XPR1: variants seen among roughly 807,000 people sequenced by gnomAD.
XPR1 encodes solute carrier family 53 member 1.
XPR1 carries 28 observed loss-of-function variants against 87.5 expected under a neutral mutation model. That is an observed-to-expected ratio of 0.32 (90% CI 0.24 to 0.44). The LOEUF is 0.44. Among genes scored for constraint, XPR1 ranks in the 20% least tolerant of loss-of-function variants. The pLI is 1.00. For missense variants in XPR1, 559 were observed against 862.3 expected (o/e 0.65, Z 4.41); for synonymous variants, 300 against 306.1 (o/e 0.98, Z 0.21).
At chr1:180,830,265 A>C (rs1204142997) in intron 9 of XPR1, among the ~76,000 whole-genome samples, 1 of 152,210 alleles carries the variant, frequency 6.6e-6, no homozygotes, top group African/African-American at 2.4e-5. Context: ...TTATGGTTGC[A>C]AATGGTATAG....
chr1:180,791,972 T>C (rs1350772065), intron 3 of XPR1, among the ~76,000 whole-genome samples: 3 of 152,230 alleles, frequency 2.0e-5, no homozygotes. Flanking sequence ...GAGGCACGTC[T>C]CTTGATGTCC....
chr1:180,864,996 C>A (rs4652534), intron 12 of XPR1, among the ~76,000 whole-genome samples: 151,415 of 152,138 alleles, frequency 1, 75,358 homozygotes, highest in Middle Eastern at 1. Context: ...CTAACATTTT[C>A]TACTCTATCA....
At chr1:180,711,831 G>A (rs968761029) in intron 2 of XPR1, among the ~76,000 whole-genome samples, 1 of 152,094 alleles carries the variant, frequency 6.6e-6, no homozygotes, top group African/African-American at 2.4e-5. Flanking sequence ...AAGCTCTGTA[G>A]TTTTAGGTTT....
At chr1:180,724,813 A>G (rs184661629) in intron 2 of XPR1, among the ~76,000 whole-genome samples, 1 of 152,240 alleles carries the variant, frequency 6.6e-6, no homozygotes, top group Admixed American at 6.5e-5. Flanking sequence ...ATATTTCCTC[A>G]GTTATCAATT....
intron 7 of XPR1, among the ~76,000 whole-genome samples, chr1:180,813,641 G>GAT (rs1393138019): frequency 6.6e-6 from 1 of 152,104 alleles, no homozygotes; most frequent in Admixed American, 6.5e-5. Flanking sequence ...GAAATTAAAT[G>GAT]ATATTTAGAA....
At chr1:180,688,651 T>C (rs953112700) in intron 2 of XPR1, among the ~76,000 whole-genome samples, 2 of 152,188 alleles carry the variant, frequency 1.3e-5, no homozygotes, top group African/African-American at 4.8e-5. Context: ...TGAGGCAAGA[T>C]AATTTTTTAC....
intron 2 of XPR1, among the ~76,000 whole-genome samples, chr1:180,768,787 C>T (rs925861798): frequency 6.6e-6 from 1 of 152,126 alleles, no homozygotes; most frequent in African/African-American, 2.4e-5. Flanking sequence ...TAACAGATAT[C>T]CTAAATGTAG....
At chr1:180,632,745 G>A (rs1654634110) in intron 1 of XPR1, among the ~76,000 whole-genome samples, 1 of 152,254 alleles carries the variant, frequency 6.6e-6, no homozygotes, top group Non-Finnish European at 1.5e-5. Flanking sequence ...TCCAAGAGAA[G>A]CCCCTCCAGT....
At chr1:180,642,483 C>A (rs1654991341) in intron 1 of XPR1, among the ~76,000 whole-genome samples, 1 of 151,824 alleles carries the variant, frequency 6.6e-6, no homozygotes, top group African/African-American at 2.4e-5. Context: ...TTGTTGAGTG[C>A]TCTAGTGTGC....
intron 4 of XPR1, among the ~76,000 whole-genome samples, chr1:180,805,153 C>A (rs1649945420): frequency 6.6e-6 from 1 of 152,140 alleles, no homozygotes; most frequent in Non-Finnish European, 1.5e-5. Flanking sequence ...ATCTCTAAGT[C>A]ATGATGTATG....
At chr1:180,761,348 A>G (rs1404387891) in intron 2 of XPR1, among the ~76,000 whole-genome samples, 1 of 152,246 alleles carries the variant, frequency 6.6e-6, no homozygotes, top group Non-Finnish European at 1.5e-5. Context: ...ACAAAGTGGG[A>G]GAAAATTTTC....
intron 2 of XPR1, among the ~76,000 whole-genome samples, chr1:180,781,465 A>T (rs1168983363): frequency 1.3e-5 from 2 of 151,936 alleles, no homozygotes; most frequent in African/African-American, 4.8e-5. Context: ...TTATGTATTT[A>T]ACCCAAAGAT....
At chr1:180,841,807 C>CAT (rs1263636790) in intron 11 of XPR1, among the ~76,000 whole-genome samples, 1 of 151,976 alleles carries the variant, frequency 6.6e-6, no homozygotes, top group Non-Finnish European at 1.5e-5. Flanking sequence ...AAAAAAAACT[C>CAT]ATAGTTGCTA....
At chr1:180,822,158 G>C (rs993575679) in intron 7 of XPR1, among the ~76,000 whole-genome samples, 2 of 152,184 alleles carry the variant, frequency 1.3e-5, no homozygotes, top group Non-Finnish European at 2.9e-5. Context: ...CTACAGGCTT[G>C]TACATCAGAG....
At chr1:180,664,803 A>G (rs1655903528) in intron 1 of XPR1, among the ~76,000 whole-genome samples, 2 of 152,216 alleles carry the variant, frequency 1.3e-5, no homozygotes, top group South Asian at 4.1e-4. Flanking sequence ...CAGTTTTTTC[A>G]TGGGGTGGAG....
chr1:180,736,567 A>G (rs1658737517), intron 2 of XPR1, among the ~76,000 whole-genome samples: 2 of 152,210 alleles, frequency 1.3e-5, no homozygotes, highest in Non-Finnish European at 2.9e-5. Context: ...TTGTTTCTCT[A>G]ATGTCACAAA....
chr1:180,741,248 C>G (rs1376699496), intron 2 of XPR1, among the ~76,000 whole-genome samples: 1 of 152,172 alleles, frequency 6.6e-6, no homozygotes, highest in Non-Finnish European at 1.5e-5. Context: ...ACTGCAACCT[C>G]TGCCCCCAGG....
intron 2 of XPR1, among the ~76,000 whole-genome samples, chr1:180,775,187 T>C (rs1435626459): frequency 1.3e-5 from 2 of 152,210 alleles, no homozygotes; most frequent in African/African-American, 2.4e-5. Context: ...AATGAGATGG[T>C]TACCTGCCTA....
intron 3 of XPR1, among the ~76,000 whole-genome samples, chr1:180,800,472 C>G (rs1649739132): frequency 6.6e-6 from 1 of 152,220 alleles, no homozygotes. Context: ...AAACTGAATT[C>G]TGCCACAACC....
Sources: allele counts gnomAD v4.1 joint callset (sites outside exome capture counted in the v4.1 genomes callset), GRCh38; gene constraint gnomAD v4.1.1; transcripts MANE v1.5; gene names NCBI Gene and HGNC (gene_info 2026-07-23, HGNC 2026-07-21).